The following ST6GALNAC3 variants were observed in gnomAD, a reference collection of about 807,000 sequenced individuals.
The protein encoded by ST6GALNAC3 is ST6 N-acetylgalactosaminide alpha-2,6-sialyltransferase 3.
A neutral mutation model predicts 32.7 loss-of-function variants in ST6GALNAC3; 25 were observed. The ratio of observed to expected loss-of-function variants is 0.76; its 90% CI spans 0.56 to 1.07. ST6GALNAC3 has a LOEUF of 1.07. Ranked by LOEUF, ST6GALNAC3 falls within the 50% of genes least tolerant of loss-of-function variation. ST6GALNAC3 has a pLI of 0.00. For synonymous variants in ST6GALNAC3, 129 were observed against 133.1 expected (o/e 0.97, Z 0.21); for missense variants, 355 against 382.4 (o/e 0.93, Z 0.60).
intron 3 of ST6GALNAC3, among the ~76,000 whole-genome samples, chr1:76,501,104 T>C (rs1307327742): frequency 6.6e-6 from 1 of 152,182 alleles, no homozygotes; most frequent in Admixed American, 6.6e-5. Flanking sequence ...ATGTATTAAA[T>C]GAAAATTGGT....
intron 1 of ST6GALNAC3, among the ~76,000 whole-genome samples, chr1:76,098,935 G>A (rs938072641): frequency 5.3e-5 from 8 of 151,710 alleles, no homozygotes; most frequent in African/African-American, 1.9e-4. Flanking sequence ...AATCTATTTC[G>A]ATTTTATTTT....
In ST6GALNAC3 at chr1:76,206,489, G is replaced by A. The variant is rs1654830961; in HGVS notation, c.19-107316G>A. On this transcript the variant is annotated intron_variant, in intron 1 of 4. Transcript: ENST00000328299. Reference sequence around the variant, plus strand: ...CACTAATGATCACAGCTGGAAAAATGCTGTTGGAGTTGGGCGGATCATGAG... The same window carrying A: ...CACTAATGATCACAGCTGGAAAAATACTGTTGGAGTTGGGCGGATCATGAG... 2.0e-5 allele frequency among the ~76,000 whole-genome samples: 3 copies of A among 152,144 alleles called. No homozygotes were observed. In the South Asian group the frequency reaches 6.2e-4, roughly 32 times the overall value.
intron 3 of ST6GALNAC3, among the ~76,000 whole-genome samples, chr1:76,485,818 G>C (rs1660071972): frequency 6.6e-6 from 1 of 151,916 alleles, no homozygotes; most frequent in South Asian, 2.1e-4. Context: ...GTGATGTTAG[G>C]GTGTCCATTT....
intron 1 of ST6GALNAC3, among the ~76,000 whole-genome samples, chr1:76,254,913 T>C (rs1166784494): frequency 2.0e-5 from 3 of 152,000 alleles, no homozygotes; most frequent in Non-Finnish European, 4.4e-5. Flanking sequence ...CAAAAAATGA[T>C]TGGTTAACAT....
At chr1:76,284,427 T>G (rs995366934) in intron 1 of ST6GALNAC3, among the ~76,000 whole-genome samples, 3 of 152,286 alleles carry the variant, frequency 2.0e-5, no homozygotes, top group Middle Eastern at 3.4e-3. Context: ...CAAGTATGAA[T>G]GAACAGGTGG....
intron 3 of ST6GALNAC3, among the ~76,000 whole-genome samples, chr1:76,505,155 G>A (rs556253884): frequency 5.3e-5 from 8 of 150,146 alleles, no homozygotes; most frequent in East Asian, 2.0e-4. Flanking sequence ...ACAGAGTCTC[G>A]CTCTGTCACC....
chr1:76,407,442 G>A (rs1653912470), intron 2 of ST6GALNAC3, among the ~76,000 whole-genome samples: 2 of 152,008 alleles, frequency 1.3e-5, no homozygotes, highest in South Asian at 4.1e-4. Context: ...AACAAATACA[G>A]TGCTGTTACC....
At chr1:76,416,142 T>G (rs1210737822) in intron 3 of ST6GALNAC3, among the ~76,000 whole-genome samples, 1 of 151,958 alleles carries the variant, frequency 6.6e-6, no homozygotes, top group Non-Finnish European at 1.5e-5. Flanking sequence ...AAGGATATTT[T>G]GCATCAAAGA....
chr1:76,126,786 G>A (rs1411355015), intron 1 of ST6GALNAC3, among the ~76,000 whole-genome samples: 1 of 152,274 alleles, frequency 6.6e-6, no homozygotes, highest in South Asian at 2.1e-4. Context: ...AGGTGATTGT[G>A]CATGTAAAGT....
intron 1 of ST6GALNAC3, chr1:76,307,873 G>A: frequency 1.9e-6 from 1 of 514,200 alleles, no homozygotes; most frequent in Non-Finnish European, 3.9e-6. Context: ...ATTTTCTGTG[G>A]ATTTTATTTT....
chr1:76,597,113 C>T (rs1395561648), intron 3 of ST6GALNAC3, among the ~76,000 whole-genome samples: 1 of 152,028 alleles, frequency 6.6e-6, no homozygotes. Flanking sequence ...AGTAGCTTCC[C>T]CGTTGATCAA....
intron 1 of ST6GALNAC3, among the ~76,000 whole-genome samples, chr1:76,291,352 C>T (rs1053956957): frequency 4.6e-5 from 7 of 152,248 alleles, no homozygotes; most frequent in Non-Finnish European, 8.8e-5. Flanking sequence ...TCCTGCAGCT[C>T]CTCTGTCAGA....
chr1:76,535,919 C>G (rs1663566733), intron 3 of ST6GALNAC3, among the ~76,000 whole-genome samples: 1 of 151,964 alleles, frequency 6.6e-6, no homozygotes, highest in South Asian at 2.1e-4. Flanking sequence ...ACTATATTTG[C>G]TTCACGAGCA....
intron 3 of ST6GALNAC3, among the ~76,000 whole-genome samples, chr1:76,474,160 C>T (rs1659206082): frequency 1.3e-5 from 2 of 152,106 alleles, no homozygotes; most frequent in South Asian, 4.2e-4. Flanking sequence ...ATAGAGCCTC[C>T]CCACAATGCA....
chr1:76,576,882 C>T (rs575015963), intron 3 of ST6GALNAC3: 6 of 1,304,664 alleles, frequency 4.6e-6, no homozygotes, highest in Non-Finnish European at 6.1e-6. Context: ...GATCGAACAG[C>T]AACCACCACA....
At position 76,596,382 on chromosome 1, in the gene ST6GALNAC3, C is replaced by A. The variant is rs577263411; in HGVS notation, c.624-31070C>A. Among the ~76,000 whole-genome samples, 7 of 152,200 alleles carry A rather than the reference C, an allele frequency of 4.6e-5. No homozygotes were observed. In the East Asian group the frequency reaches 1.4e-3, roughly 29 times the overall value. On this transcript the variant is annotated intron_variant, in intron 3 of 4. Transcript: ENST00000328299. The stretch of plus-strand genomic sequence containing the variant: ...TGTGAAATAGCCTCAGCTTTTAACA[C>A]AATTCTGGCACATAGTAGTTGCTCA...
chr1:76,086,698 CCTT>C (rs1348924432), intron 1 of ST6GALNAC3, among the ~76,000 whole-genome samples: 9 of 152,148 alleles, frequency 5.9e-5, no homozygotes, highest in Non-Finnish European at 8.8e-5. Flanking sequence ...GTAGATGAAA[CCTT>C]CTTGCAGAGT....
chr1:76,380,057 A>C (rs2101110708), intron 2 of ST6GALNAC3, among the ~76,000 whole-genome samples: 1 of 152,334 alleles, frequency 6.6e-6, no homozygotes, highest in South Asian at 2.1e-4. Context: ...AAGTCATATC[A>C]ATCTACATTA....
intron 1 of ST6GALNAC3, chr1:76,310,029 A>G (rs1449469998): frequency 4.1e-6 from 2 of 487,320 alleles, no homozygotes; most frequent in Non-Finnish European, 8.2e-6. Context: ...GGCTATCCAC[A>G]TCTTTGTCCC....
Sources: allele counts gnomAD v4.1 joint callset (sites outside exome capture counted in the v4.1 genomes callset), GRCh38; gene constraint gnomAD v4.1.1; transcripts MANE v1.5; gene names NCBI Gene and HGNC (gene_info 2026-07-23, HGNC 2026-07-21).